The following SYN3 variants were observed in gnomAD, a reference collection of about 807,000 sequenced individuals.
SYN3 encodes synapsin-3.
In SYN3, 35 loss-of-function variants were observed where a neutral mutation model predicts 65.8. The observed-to-expected ratio is 0.53, with a 90% confidence interval of 0.41 to 0.70. SYN3 has a LOEUF of 0.70. SYN3 is among the 30% of genes least tolerant of loss of function. The pLI, the probability that SYN3 is intolerant of heterozygous loss-of-function variation, is 0.00. For synonymous variants in SYN3, 270 were observed against 292.9 expected, an observed-to-expected ratio of 0.92 and a Z score of 0.80; for missense variants, 680 against 749.0, an observed-to-expected ratio of 0.91 and a Z score of 1.08.
chr22:32,838,733 A>G (rs1184866422), intron 6 of SYN3, among the ~76,000 whole-genome samples: 1 of 151,992 alleles, frequency 6.6e-6, no homozygotes, highest in Non-Finnish European at 1.5e-5. Flanking sequence ...CCAGCACTCC[A>G]GGAAGCCAAA....
intron 6 of SYN3, among the ~76,000 whole-genome samples, chr22:32,697,528 G>T (rs556158853): frequency 6.6e-6 from 1 of 152,184 alleles, no homozygotes; most frequent in Non-Finnish European, 1.5e-5. Flanking sequence ...TGCCTGGCAC[G>T]TTGATAAGCA....
chr22:32,570,425 C>T (rs909170786), intron 7 of SYN3, among the ~76,000 whole-genome samples: 1 of 152,038 alleles, frequency 6.6e-6, no homozygotes, highest in Non-Finnish European at 1.5e-5. Context: ...GGGTCTAGAG[C>T]GTTGTGCTGA....
intron 2 of SYN3, among the ~76,000 whole-genome samples, chr22:32,994,706 C>T (rs2052827982): frequency 6.6e-6 from 1 of 152,178 alleles, no homozygotes; most frequent in African/African-American, 2.4e-5. Flanking sequence ...AGCGGAGGGA[C>T]TGCCAGCCCG....
rs1020716642 is a variant in SYN3 at position 32,871,065 on chromosome 22, C to T, written c.462-1940G>A. On this transcript the variant is annotated intron_variant, in intron 4 of 13. Transcript: ENST00000358763. ...CACTCCTCCCTGGCAGCGTGGGTTC[C>T]ATCACAGACAACAGTGGCAGCAAAC... 2.6e-5 allele frequency among the ~76,000 whole-genome samples: 4 copies of T among 152,342 alleles called. No homozygotes were observed. In the South Asian group the frequency reaches 6.2e-4, roughly 24 times the overall value.
intron 1 of SYN3, among the ~76,000 whole-genome samples, chr22:33,051,960 C>T (rs2413163): frequency 0.27 from 40,599 of 152,016 alleles, 5,984 homozygotes; most frequent in South Asian, 0.37. Flanking sequence ...ACCAAGAACA[C>T]GCTTCCTTGT....
intron 1 of SYN3, among the ~76,000 whole-genome samples, chr22:33,036,178 G>A (rs1175907375): frequency 3.9e-5 from 6 of 152,104 alleles, no homozygotes; most frequent in Non-Finnish European, 8.8e-5. Flanking sequence ...TAAATTTCCT[G>A]AAAACCTCCT....
chr22:32,763,183 G>A (rs937097162), intron 6 of SYN3, among the ~76,000 whole-genome samples: 37 of 151,534 alleles, frequency 2.4e-4, no homozygotes, highest in African/African-American at 8.7e-4. Flanking sequence ...GTCTCACTCT[G>A]TCGCCCAGGC....
chr22:32,805,897 C>T (rs1252288182), intron 6 of SYN3, among the ~76,000 whole-genome samples: 1 of 151,742 alleles, frequency 6.6e-6, no homozygotes, highest in South Asian at 2.1e-4. Flanking sequence ...ATGAAGATAG[C>T]CAAAATGGCC....
At chr22:32,962,289 C>T (rs1255016965) in intron 3 of SYN3, among the ~76,000 whole-genome samples, 1 of 151,812 alleles carries the variant, frequency 6.6e-6, no homozygotes, top group Non-Finnish European at 1.5e-5. Context: ...GCGCCTGCCA[C>T]CTCACCCGGC....
At chr22:33,044,462 A>G (rs1035080527) in intron 1 of SYN3, among the ~76,000 whole-genome samples, 5 of 152,250 alleles carry the variant, frequency 3.3e-5, no homozygotes, top group African/African-American at 9.6e-5. Context: ...CTCATTGAGC[A>G]CAGGAGGTCA....
In SYN3 at chr22:32,642,446, TA is replaced by T. The variant is rs200600361; in HGVS notation, c.712-45711del. 3.0e-4 allele frequency among the ~76,000 whole-genome samples: 46 copies of T among 150,936 alleles called. 1 individual carries two copies. The highest frequency in any genetic ancestry group is 6.9e-3 in the Middle Eastern group (2 of 290). ...ATTTTGATTTTTTATCTTTTTATTTTATTTTTTTAATTGAGATGGAGTCTTG... is the reference window on the plus strand; with the variant it reads ...ATTTTGATTTTTTATCTTTTTATTTTTTTTTTTAATTGAGATGGAGTCTTG... On this transcript the variant is annotated intron_variant, in intron 6 of 13. Coordinates refer to ENST00000358763, the MANE Select transcript of SYN3 (RefSeq NM_003490.4).
At chr22:32,609,972 A>G (rs889467090) in intron 6 of SYN3, among the ~76,000 whole-genome samples, 5 of 152,152 alleles carry the variant, frequency 3.3e-5, no homozygotes, top group Admixed American at 2.6e-4. Flanking sequence ...AATGTGAAGG[A>G]AACTAGTCAT....
intron 6 of SYN3, among the ~76,000 whole-genome samples, chr22:32,784,215 G>C (rs2046137668): frequency 6.6e-6 from 1 of 152,164 alleles, no homozygotes; most frequent in Non-Finnish European, 1.5e-5. Context: ...CCTCCACCTT[G>C]AGTGATGGTG....
chr22:33,051,915 C>A (rs1035358111), intron 1 of SYN3, among the ~76,000 whole-genome samples: 1 of 152,134 alleles, frequency 6.6e-6, no homozygotes, highest in African/African-American at 2.4e-5. Flanking sequence ...CAAAAGAAAG[C>A]GTGTATCTTC....
intron 2 of SYN3, among the ~76,000 whole-genome samples, chr22:33,005,008 C>A (rs1324095624): frequency 6.6e-6 from 1 of 152,158 alleles, no homozygotes. Context: ...CTCACAAGAG[C>A]TGATGGTTTT....
At chr22:32,984,741 A>G (rs531032137) in intron 2 of SYN3, among the ~76,000 whole-genome samples, 61 of 152,268 alleles carry the variant, frequency 4.0e-4, no homozygotes, top group African/African-American at 1.5e-3. Flanking sequence ...ACTTGCTTTT[A>G]AATCCAAGCT....
intron 1 of SYN3, among the ~76,000 whole-genome samples, chr22:33,044,242 A>G (rs1293187286): frequency 6.6e-6 from 1 of 152,158 alleles, no homozygotes; most frequent in Non-Finnish European, 1.5e-5. Context: ...GCGTTCTTCC[A>G]CCAATCTTCT....
intron 6 of SYN3, among the ~76,000 whole-genome samples, chr22:32,838,653 G>C (rs1246777561): frequency 1.3e-5 from 2 of 152,038 alleles, no homozygotes; most frequent in Non-Finnish European, 2.9e-5. Flanking sequence ...TCGGTATTCG[G>C]CCTCTCCAGA....
At chr22:32,952,081 C>G (rs1027819827) in intron 3 of SYN3, among the ~76,000 whole-genome samples, 1 of 152,234 alleles carries the variant, frequency 6.6e-6, no homozygotes, top group East Asian at 1.9e-4. Context: ...GAGCTCTTTC[C>G]CACCAGTTCA....
Sources: gnomAD v4.1 joint callset for allele counts (sites outside exome capture counted in the v4.1 genomes callset) on GRCh38, gnomAD v4.1.1 for gene constraint, MANE v1.5 for transcripts, NCBI Gene and HGNC (gene_info 2026-07-23, HGNC 2026-07-21) for gene names.